Variants in EFR3A observed in about 807,000 individuals in gnomAD.
EFR3A encodes protein EFR3 homolog A.
A neutral mutation model predicts 104.4 loss-of-function variants in EFR3A; 76 were observed. The observed-to-expected ratio is 0.73, with a 90% confidence interval of 0.60 to 0.88. The LOEUF (loss-of-function observed/expected upper bound fraction) is 0.88. Among genes scored for constraint, EFR3A ranks in the 40% least tolerant of loss-of-function variants. The pLI, the probability that EFR3A is intolerant of heterozygous loss-of-function variation, is 0.00. For missense variants in EFR3A, 985 were observed against 1,012.5 expected, an observed-to-expected ratio of 0.97 and a Z score of 0.37; for synonymous variants, 330 against 330.0, an observed-to-expected ratio of 1.00 and a Z score of 0.00.
chr8:131,923,134 A>G (rs1266340304), intron 1 of EFR3A, among the ~76,000 whole-genome samples: 2 of 152,150 alleles, frequency 1.3e-5, no homozygotes, highest in Non-Finnish European at 2.9e-5. Context: ...CTGAAAAGGT[A>G]GAGATTATGC....
rs1197576333 is a variant in EFR3A, at chr8:131,984,952, T to TA, written c.1763dup (p.Asn588LysfsTer35). Reference sequence around the variant, plus strand: ...AGGACAGTGCAATTATCAATGAGGATAATTTGCCAATGTTCCATCGTTGTG... The same window carrying TA: ...AGGACAGTGCAATTATCAATGAGGATAAATTTGCCAATGTTCCATCGTTGTG... On this transcript the variant is annotated frameshift_variant, in exon 16 of 23. Transcript: ENST00000254624. LOFTEE classifies it high-confidence loss of function. 1.2e-6 allele frequency: 2 copies of TA among 1,613,396 alleles called. No homozygotes were observed. Among genetic ancestry groups the TA allele is most frequent in the African/African-American group, 2.7e-5 (2 of 74,906 alleles).
chr8:132,004,445 C>T (rs914519509), intron 22 of EFR3A, among the ~76,000 whole-genome samples: 1 of 152,160 alleles, frequency 6.6e-6, no homozygotes, highest in Non-Finnish European at 1.5e-5. Context: ...AGGTTGCATG[C>T]GCCTTATGGG....
At chr8:131,941,304 A>G (rs888031715) in intron 2 of EFR3A, among the ~76,000 whole-genome samples, 2 of 152,070 alleles carry the variant, frequency 1.3e-5, no homozygotes, top group Non-Finnish European at 2.9e-5. Context: ...CAACCTTTCT[A>G]AGACTTCTGT....
chr8:131,962,444 A>G (rs1819414837), intron 8 of EFR3A, among the ~76,000 whole-genome samples: 1 of 152,214 alleles, frequency 6.6e-6, no homozygotes. Flanking sequence ...AAACCAACAA[A>G]GATCAAAAGA....
intron 18 of EFR3A, among the ~76,000 whole-genome samples, chr8:131,990,872 G>A (rs1821145780): frequency 6.6e-6 from 1 of 152,102 alleles, no homozygotes; most frequent in Non-Finnish European, 1.5e-5. Flanking sequence ...ATTCTGGCTT[G>A]GGCACTTGAG....
In EFR3A at chr8:131,980,192, C is replaced by T. The variant is rs192360977; in HGVS notation, c.1575+771C>T. ...CCGTAGGAAGCTAGGTGTAGAGACC[C>T]GTAATCCATGTTCTTTTTTGCCTCT... On this transcript the variant is annotated intron_variant, in intron 14 of 22. Transcript: ENST00000254624. Among the ~76,000 whole-genome samples the T allele has an allele frequency of 3.4e-3, 513 of 152,048 alleles. 2 individuals carry two copies. Among genetic ancestry groups the T allele is most frequent in the African/African-American group, 0.012 (500 of 41,488 alleles).
intron 4 of EFR3A, among the ~76,000 whole-genome samples, chr8:131,949,213 A>T (rs1451584597): frequency 6.6e-6 from 1 of 152,138 alleles, no homozygotes; most frequent in Non-Finnish European, 1.5e-5. Context: ...TAAAAGAAAT[A>T]ATACAGTATA....
intron 1 of EFR3A, among the ~76,000 whole-genome samples, chr8:131,929,647 A>G (rs1817485522): frequency 1.3e-5 from 2 of 152,148 alleles, no homozygotes. Flanking sequence ...TATTCCCTAC[A>G]TTTAGTTTAG....
chr8:131,976,694 TAAAG>T (rs200893438), intron 11 of EFR3A, among the ~76,000 whole-genome samples: 4 of 152,140 alleles, frequency 2.6e-5, no homozygotes, highest in Admixed American at 2.0e-4. Context: ...TCATATTTGT[TAAAG>T]AAAGATTATA....
chr8:131,969,950 C>A (rs1242475911), intron 9 of EFR3A, among the ~76,000 whole-genome samples: 2 of 152,136 alleles, frequency 1.3e-5, no homozygotes, highest in Non-Finnish European at 2.9e-5. Flanking sequence ...GATAGAAACA[C>A]ATGCAGAGGA....
chr8:131,949,918 G>A, intron 4 of EFR3A, 51 bp from the exon 5 acceptor site: 1 of 1,472,778 alleles, frequency 6.8e-7, no homozygotes, highest in Non-Finnish European at 9.1e-7. Context: ...AATGTATTTG[G>A]TTCACACTTC....
intron 5 of EFR3A, among the ~76,000 whole-genome samples, chr8:131,952,800 A>C (rs1045605585): frequency 6.6e-6 from 1 of 151,966 alleles, no homozygotes; most frequent in African/African-American, 2.4e-5. Flanking sequence ...TCCATCTGCT[A>C]CTCCTGAATG....
chr8:131,963,425 A>G (rs1026329114), intron 8 of EFR3A, among the ~76,000 whole-genome samples: 10 of 152,228 alleles, frequency 6.6e-5, no homozygotes, highest in African/African-American at 1.2e-4. Flanking sequence ...AACTACCATC[A>G]GAGAATACTA....
intron 8 of EFR3A, among the ~76,000 whole-genome samples, chr8:131,962,801 T>C (rs111675060): frequency 0.27 from 40,687 of 152,086 alleles, 6,257 homozygotes; most frequent in East Asian, 0.49. Flanking sequence ...TATTCCAAAA[T>C]TGACCACATA....
At chr8:131,924,229 C>T (rs925538604) in intron 1 of EFR3A, 4 of 277,194 alleles carry the variant, frequency 1.4e-5, no homozygotes, top group African/African-American at 9.2e-5. Flanking sequence ...TTTTTATATA[C>T]TGAGAAATAA....
rs1400597807 is a variant in EFR3A, at chr8:131,982,408, T to C, written c.1576-1731T>C. The stretch of plus-strand genomic sequence containing the variant: ...TTTGTTGTCAGACATTTGAATTCTT[T>C]CCAGTTAGTGAGTGTTATGAACTGT... On this transcript the variant is annotated intron_variant, in intron 14 of 22. Transcript: ENST00000254624. Among the ~76,000 whole-genome samples, 3 of 152,158 alleles carry C rather than the reference T, an allele frequency of 2.0e-5. No homozygotes were observed. The East Asian group carries it at 5.8e-4, about 29-fold the overall frequency.
intron 22 of EFR3A, among the ~76,000 whole-genome samples, chr8:132,003,607 A>G (rs1054808161): frequency 6.6e-6 from 1 of 152,168 alleles, no homozygotes; most frequent in African/African-American, 2.4e-5. Flanking sequence ...TTAATTAGGA[A>G]ATTGCTCATA....
At chr8:131,932,905 C>T (rs912728969) in intron 1 of EFR3A, among the ~76,000 whole-genome samples, 6 of 152,048 alleles carry the variant, frequency 3.9e-5, no homozygotes, top group African/African-American at 1.2e-4. Context: ...TGCCTTTCCT[C>T]TGTTTTTCTC....
intron 1 of EFR3A, among the ~76,000 whole-genome samples, chr8:131,908,287 C>T (rs1285491547): frequency 6.6e-6 from 1 of 152,064 alleles, no homozygotes; most frequent in African/African-American, 2.4e-5. Flanking sequence ...GTCTCAATCT[C>T]CTGACCTCGT....
Sources: gnomAD v4.1 joint callset for allele counts (sites outside exome capture counted in the v4.1 genomes callset) on GRCh38, gnomAD v4.1.1 for gene constraint, MANE v1.5 for transcripts, NCBI Gene and HGNC (gene_info 2026-07-23, HGNC 2026-07-21) for gene names.